Variants in PUM2 observed in about 807,000 individuals in gnomAD.
PUM2 encodes pumilio homolog 2.
A neutral mutation model predicts 124.5 loss-of-function variants in PUM2; 57 were observed. That is an observed-to-expected ratio of 0.46 (90% CI 0.37 to 0.57). The LOEUF (loss-of-function observed/expected upper bound fraction) is 0.57. Among genes scored for constraint, PUM2 ranks in the 20% least tolerant of loss-of-function variants. PUM2 has a pLI of 0.00. For missense variants in PUM2, 1,065 were observed against 1,290.6 expected, an observed-to-expected ratio of 0.83 and a Z score of 2.68; for synonymous variants, 460 against 446.1, an observed-to-expected ratio of 1.03 and a Z score of -0.39.
chr2:20,275,940 T>A (rs1255513270), intron 13 of PUM2, among the ~76,000 whole-genome samples: 1 of 152,096 alleles, frequency 6.6e-6, no homozygotes, highest in Non-Finnish European at 1.5e-5. Context: ...GTTAAAGACA[T>A]TTAAGTCAAT....
At chr2:20,321,788 C>G (rs550604562) in intron 2 of PUM2, among the ~76,000 whole-genome samples, 7 of 152,200 alleles carry the variant, frequency 4.6e-5, no homozygotes, top group Non-Finnish European at 8.8e-5. Flanking sequence ...AATATGTTAT[C>G]CAATACCACT....
chr2:20,313,312 C>G (rs556943531), intron 3 of PUM2, among the ~76,000 whole-genome samples: 30 of 152,296 alleles, frequency 2.0e-4, no homozygotes, highest in African/African-American at 7.0e-4. Flanking sequence ...TTGAGACTAA[C>G]TGGCTGGAGC....
At chr2:20,273,606 C>A (rs1237596355) in intron 13 of PUM2, among the ~76,000 whole-genome samples, 1 of 152,094 alleles carries the variant, frequency 6.6e-6, no homozygotes, top group African/African-American at 2.4e-5. Flanking sequence ...CAACTAGTAA[C>A]GTAATTTCTT....
chr2:20,263,533 C>T, intron 13 of PUM2, 73 bp from the exon 14 acceptor site: 1 of 1,450,098 alleles, frequency 6.9e-7, no homozygotes, highest in Non-Finnish European at 9.4e-7. Flanking sequence ...ACTTTAGCTA[C>T]AAATTCAGTC....
rs750543595 is a variant in PUM2, at chr2:20,312,380, T to G, written c.204A>C (p.Gly68=). Residue 68 remains glycine (G), a synonymous_variant, in exon 4 of 21, where the codon GGA becomes GGC. Coordinates refer to ENST00000361078, the MANE Select transcript of PUM2 (RefSeq NM_015317.5). ...SQPIMVQRRS[G]QGFHGNSEVN... ...CTTCACTGTTTCCATGAAAACCCTGTCCAGATCTTCTCTGTACCATAATAG... is the reference window on the plus strand; with the variant it reads ...CTTCACTGTTTCCATGAAAACCCTGGCCAGATCTTCTCTGTACCATAATAG... 1.9e-6 allele frequency: 3 copies of G among 1,613,856 alleles called. No homozygotes were observed. In the African/African-American group the frequency reaches 4.0e-5, roughly 22 times the overall value.
At chr2:20,344,982 CAAAAAAAAAAAA>C (rs762460030) in intron 1 of PUM2, among the ~76,000 whole-genome samples, 10 of 66,264 alleles carry the variant, frequency 1.5e-4, no homozygotes, top group Non-Finnish European at 8.4e-5. Context: ...GACTCTGTCT[CAAAAAAAAAAAA>C]AAAAAAAAAA....
chr2:20,255,092 G>A, intron 18 of PUM2, 108 bp from the exon 19 acceptor site: 9 of 1,462,302 alleles, frequency 6.2e-6, no homozygotes, highest in South Asian at 1.3e-5. Context: ...ATAGTTAGGA[G>A]AATACAACAG....
chr2:20,308,028 G>A lies in PUM2; in HGVS notation c.833C>T (p.Ala278Val). Reference protein sequence around the residue: ...TNALTVQQLTAAQQQQYALAA... With the variant: ...TNALTVQQLTVAQQQQYALAA... ...TAATGCATATTGCTGCTGTTGAGCT[G>A]CAGTTAACTGTTGAACTGTTAGTGC... Residue 278 changes from alanine (A) to valine (V), a missense_variant, in exon 7 of 21, where the codon GCA becomes GTA. Around this residue, in one of 3 missense-constraint regions of PUM2, gnomAD observed 968 missense variants for 1,159.8 expected, o/e 0.83. Transcript: ENST00000361078. The A allele has an allele frequency of 5.0e-6, 8 of 1,613,352 alleles. No homozygotes were observed. Among genetic ancestry groups the A allele is most frequent in the Non-Finnish European group, 6.8e-6 (8 of 1,179,354 alleles).
In PUM2 at chr2:20,296,594, G is replaced by T. The variant is rs1675640216; in HGVS notation, c.1009+959C>A. On this transcript the variant is annotated intron_variant, in intron 8 of 20. Transcript: ENST00000361078. ...TATTTCAGTCAAGATATCGCTCAAA[G>T]CCCCCCCAGCCCCCCCAAAAACAAC... Among the ~76,000 whole-genome samples the T allele has an allele frequency of 3.0e-5, 4 of 131,754 alleles. No individual in the cohort carries two copies. The South Asian group carries it at 9.5e-4, about 31-fold the overall frequency. The allele number at this position is 131,754 out of a possible 152,430, so 86.4% of individuals were successfully genotyped here. A position where few individuals can be genotyped will look rare whatever the true frequency, so the allele number is the denominator to read the frequency against.
intron 1 of PUM2, among the ~76,000 whole-genome samples, chr2:20,339,083 C>T (rs1471018345): frequency 6.6e-6 from 1 of 151,948 alleles, no homozygotes; most frequent in Admixed American, 6.6e-5. Flanking sequence ...TAATAATATG[C>T]CACATCTAAG....
chr2:20,273,510 A>G (rs1669506284), intron 13 of PUM2, among the ~76,000 whole-genome samples: 1 of 152,218 alleles, frequency 6.6e-6, no homozygotes, highest in South Asian at 2.1e-4. Context: ...AAAGGATAAT[A>G]AATAAAAAAT....
At chr2:20,275,724 G>GA (rs1484840427) in intron 13 of PUM2, among the ~76,000 whole-genome samples, 1 of 151,922 alleles carries the variant, frequency 6.6e-6, no homozygotes, top group African/African-American at 2.4e-5. Context: ...CAGTTTACAG[G>GA]AAAGAGACAT....
intron 13 of PUM2, among the ~76,000 whole-genome samples, chr2:20,271,519 G>A (rs945715681): frequency 2.0e-5 from 3 of 152,042 alleles, no homozygotes; most frequent in Non-Finnish European, 2.9e-5. Context: ...TCGCCACATT[G>A]CCCAGGCTGG....
intron 10 of PUM2, among the ~76,000 whole-genome samples, chr2:20,289,566 T>C (rs1025818381): frequency 6.6e-6 from 1 of 152,096 alleles, no homozygotes; most frequent in South Asian, 2.1e-4. Context: ...ATAATGAGAA[T>C]GCCACCCACT....
rs555893743 is a variant in PUM2, at chr2:20,299,793, T to C, written c.884-2115A>G. Among the ~76,000 whole-genome samples the C allele has an allele frequency of 2.3e-3, 353 of 152,336 alleles. 3 individuals are homozygous for C. Among genetic ancestry groups the C allele is most frequent in the Non-Finnish European group, 4.3e-3 (292 of 68,032 alleles). The stretch of plus-strand genomic sequence containing the variant: ...TTCTTGTCTAGGCACAACACAGCCA[T>C]TTAAGAAATCTGCTTTTATCTATGA... On this transcript the variant is annotated intron_variant, in intron 7 of 20. Coordinates refer to ENST00000361078, the MANE Select transcript of PUM2 (RefSeq NM_015317.5).
chr2:20,273,410 G>A (rs1281815584), intron 13 of PUM2, among the ~76,000 whole-genome samples: 1 of 152,122 alleles, frequency 6.6e-6, no homozygotes, highest in African/African-American at 2.4e-5. Context: ...GTATTTTCTA[G>A]TCTTCAGTTT....
intron 9 of PUM2, among the ~76,000 whole-genome samples, chr2:20,294,041 A>T (rs1239456346): frequency 6.6e-6 from 1 of 152,228 alleles, no homozygotes; most frequent in Non-Finnish European, 1.5e-5. Flanking sequence ...ATTGTAATTT[A>T]AATACCTGGA....
At chr2:20,275,654 T>C (rs577118506) in intron 13 of PUM2, among the ~76,000 whole-genome samples, 2 of 152,126 alleles carry the variant, frequency 1.3e-5, no homozygotes, top group African/African-American at 4.8e-5. Flanking sequence ...CAGAACCCCA[T>C]GTTGTCAAAA....
chr2:20,317,624 G>T (rs1435559471), intron 3 of PUM2, among the ~76,000 whole-genome samples: 1 of 151,996 alleles, frequency 6.6e-6, no homozygotes, highest in African/African-American at 2.4e-5. Flanking sequence ...ATGTCACAGG[G>T]GTTTGGTGTA....
Sources: allele counts gnomAD v4.1 joint callset (sites outside exome capture counted in the v4.1 genomes callset), GRCh38; gene constraint gnomAD v4.1.1; regional missense constraint gnomAD v4.1.1; transcripts MANE v1.5; gene names NCBI Gene and HGNC (gene_info 2026-07-23, HGNC 2026-07-21).